CRYBG1: variants seen among roughly 807,000 people sequenced by gnomAD.
CRYBG1 encodes crystallin beta-gamma domain containing 1.
Under a neutral mutation model 189.2 loss-of-function variants are expected in CRYBG1, and 139 were observed. That is an observed-to-expected ratio of 0.73 (90% confidence interval 0.64 to 0.85). CRYBG1 has a LOEUF of 0.85. Among genes scored for constraint, CRYBG1 ranks in the 40% least tolerant of loss-of-function variants. The pLI is 0.00. For synonymous variants in CRYBG1, 1,023 were observed against 1,017.1 expected (o/e 1.01, Z -0.11); for missense variants, 2,611 against 2,675.8 (o/e 0.98, Z 0.53).
At chr6:106,484,998 A>T (rs1418625987) in intron 2 of CRYBG1, among the ~76,000 whole-genome samples, 1 of 152,074 alleles carries the variant, frequency 6.6e-6, no homozygotes, top group Non-Finnish European at 1.5e-5. Flanking sequence ...TTAAAAAAAA[A>T]GGTGGGGGGG....
At chr6:106,427,906 C>T (rs1380056936) in intron 1 of CRYBG1, among the ~76,000 whole-genome samples, 2 of 152,134 alleles carry the variant, frequency 1.3e-5, no homozygotes, top group South Asian at 2.1e-4. Flanking sequence ...TGGACCGCAT[C>T]GAGCTCAAGC....
intron 7 of CRYBG1, among the ~76,000 whole-genome samples, chr6:106,529,406 C>T (rs965900903): frequency 6.6e-6 from 1 of 152,142 alleles, no homozygotes; most frequent in African/African-American, 2.4e-5. Flanking sequence ...TAAGTCACAG[C>T]GTATATTTTC....
chr6:106,501,082 G>C (rs1320704555), intron 2 of CRYBG1, among the ~76,000 whole-genome samples: 2 of 152,142 alleles, frequency 1.3e-5, no homozygotes. Context: ...GAAGAGGTAG[G>C]GACACAGGTG....
At chr6:106,410,854 G>C (rs1370699244) in intron 1 of CRYBG1, among the ~76,000 whole-genome samples, 1 of 152,112 alleles carries the variant, frequency 6.6e-6, no homozygotes, top group East Asian at 1.9e-4. Context: ...ACTGGGGACT[G>C]TTGTGGGGTG....
At position 106,517,495 on chromosome 6, in the gene CRYBG1, CACAT is replaced by C. The variant is rs1185511784; in HGVS notation, c.1923-1634_1923-1631del. Among the ~76,000 whole-genome samples, 6 of 144,528 alleles carry C rather than the reference CACAT, an allele frequency of 4.2e-5. No homozygotes were observed. In the East Asian group the frequency reaches 8.1e-4, roughly 20 times the overall value. 94.8% of individuals were successfully genotyped at this position (144,528 alleles called of 152,430 possible). On this transcript the variant is annotated intron_variant, in intron 3 of 21. Coordinates refer to ENST00000633556, the MANE Select transcript of CRYBG1 (RefSeq NM_001371242.2). Reference sequence around the variant, plus strand: ...ACACATATATATATACACACACACACACATATATATATATACACACACACATATA... The same window carrying C: ...ACACATATATATATACACACACACACATATATATATACACACACACATATA...
rs1176419785 is a variant in CRYBG1 at position 106,512,395 on chromosome 6, A to T, written c.1278A>T (p.Lys426Asn). Reference protein sequence around the residue: ...RRSGRRRGSQKSTDSPGADAE... With the variant: ...RRSGRRRGSQNSTDSPGADAE... The stretch of plus-strand genomic sequence containing the variant: ...CGGGGAGGCGGAGGGGGTCGCAGAA[A>T]TCCACCGACTCCCCCGGCGCGGACG... The change falls in exon 3 of 22, where the codon AAA becomes AAT. Residue 426 changes from lysine (K) to asparagine (N), a missense_variant. This residue lies in a region of CRYBG1 where 985 missense variants were observed against 924.4 expected (regional missense o/e 1.07). Transcript: ENST00000633556. The T allele has an allele frequency of 6.2e-7, 1 of 1,609,974 alleles. No individual in the cohort carries two copies.
At chr6:106,476,189 C>T (rs1468262897) in intron 2 of CRYBG1, among the ~76,000 whole-genome samples, 1 of 152,140 alleles carries the variant, frequency 6.6e-6, no homozygotes, top group Admixed American at 6.5e-5. Flanking sequence ...CCGTACAGAG[C>T]ACAGGGACAT....
chr6:106,567,942 C>T lies in CRYBG1; in HGVS notation c.6302-530C>T, dbSNP rs180990203. Among the ~76,000 whole-genome samples, 25 of 152,250 alleles carry T rather than the reference C, an allele frequency of 1.6e-4. No individual in the cohort carries two copies. In the East Asian group the frequency reaches 2.1e-3, roughly 13 times the overall value. ...GCTACCGCGTCCCCTTATGTACTTC[C>T]GGGTGTCATCCAAACCTCCCCTTTG... On this transcript the variant is annotated intron_variant, in intron 21 of 21. Transcript: ENST00000633556.
At chr6:106,527,171 CT>C in intron 6 of CRYBG1, 133 bp from the exon 7 acceptor site, 1 of 635,534 alleles carries the variant, frequency 1.6e-6, no homozygotes, top group South Asian at 3.3e-5. Flanking sequence ...AGAGTTTAAG[CT>C]ATTTTAATTG....
At chr6:106,497,993 T>C (rs6910415) in intron 2 of CRYBG1, among the ~76,000 whole-genome samples, 103,592 of 151,852 alleles carry the variant, frequency 0.68, 35,984 homozygotes, top group African/African-American at 0.82. Flanking sequence ...CCCAGCTGCT[T>C]AGGAGGCTGA....
intron 3 of CRYBG1, among the ~76,000 whole-genome samples, chr6:106,516,835 G>A (rs1257302789): frequency 1.3e-5 from 2 of 151,996 alleles, no homozygotes; most frequent in Admixed American, 6.6e-5. Flanking sequence ...CATAACCTCA[G>A]GGAGTTACTT....
chr6:106,414,737 A>G (rs1770990800), intron 1 of CRYBG1, among the ~76,000 whole-genome samples: 1 of 152,204 alleles, frequency 6.6e-6, no homozygotes, highest in South Asian at 2.1e-4. Flanking sequence ...GTACAACTAT[A>G]TGCACTTTGC....
chr6:106,566,774 C>T (rs919197524), intron 21 of CRYBG1, among the ~76,000 whole-genome samples: 1 of 152,162 alleles, frequency 6.6e-6, no homozygotes, highest in Non-Finnish European at 1.5e-5. Context: ...CACGTCTCTT[C>T]TCGTTGGTGC....
intron 2 of CRYBG1, among the ~76,000 whole-genome samples, chr6:106,498,711 C>T (rs1772912582): frequency 1.3e-5 from 2 of 152,046 alleles, no homozygotes; most frequent in African/African-American, 2.4e-5. Flanking sequence ...ACCATCTCTA[C>T]TAAAAATACA....
Position 106,510,200 on chromosome 6 carries a change from G to A in CRYBG1, c.313-1230G>A, listed in dbSNP as rs772633996. On this transcript the variant is annotated intron_variant, in intron 2 of 21. Coordinates refer to ENST00000633556, the MANE Select transcript of CRYBG1 (RefSeq NM_001371242.2). ...AAGAAATACAGTAGCCGCACGTTTG[G>A]CCTGGTTTCAGAGGAGTCCTTACGC... 3.3e-5 allele frequency among the ~76,000 whole-genome samples: 5 copies of A among 152,270 alleles called. No homozygotes were observed. The East Asian group carries it at 9.7e-4, about 29-fold the overall frequency.
intron 9 of CRYBG1, among the ~76,000 whole-genome samples, chr6:106,540,188 G>A (rs547315871): frequency 6.6e-6 from 1 of 152,038 alleles, no homozygotes; most frequent in Admixed American, 6.6e-5. Context: ...TGTTTCTTCC[G>A]CTAGACTGTC....
chr6:106,550,124 C>T (rs1246565365), intron 13 of CRYBG1, among the ~76,000 whole-genome samples: 1 of 152,130 alleles, frequency 6.6e-6, no homozygotes, highest in Non-Finnish European at 1.5e-5. Flanking sequence ...CATCTGTGGG[C>T]TTTGGAGGAC....
At chr6:106,493,374 C>A (rs1772767523) in intron 2 of CRYBG1, among the ~76,000 whole-genome samples, 1 of 152,150 alleles carries the variant, frequency 6.6e-6, no homozygotes, top group Non-Finnish European at 1.5e-5. Context: ...GAAACTGGAA[C>A]TCTTATGCAC....
At chr6:106,502,575 T>C (rs930326346) in intron 2 of CRYBG1, among the ~76,000 whole-genome samples, 1 of 152,212 alleles carries the variant, frequency 6.6e-6, no homozygotes, top group Non-Finnish European at 1.5e-5. Context: ...ATAATACATC[T>C]CAACTGTAAA....
Sources: gnomAD v4.1 joint callset for allele counts (sites outside exome capture counted in the v4.1 genomes callset) on GRCh38, gnomAD v4.1.1 for gene constraint, gnomAD v4.1.1 regional missense constraint, MANE v1.5 for transcripts, NCBI Gene and HGNC (gene_info 2026-07-23, HGNC 2026-07-21) for gene names.